Variants in PIWIL4 observed in about 807,000 individuals in gnomAD.
The protein encoded by PIWIL4 is piwi-like protein 4.
A neutral mutation model predicts 100.9 loss-of-function variants in PIWIL4; 50 were observed. The observed-to-expected ratio is 0.50, with a 90% CI of 0.39 to 0.63. PIWIL4 has a LOEUF of 0.63. Ranked by LOEUF, PIWIL4 falls within the 20% of genes least tolerant of loss-of-function variation. The pLI is 0.00. For missense variants in PIWIL4, 887 were observed against 1,043.3 expected (o/e 0.85, Z 2.06); for synonymous variants, 342 against 367.5 (o/e 0.93, Z 0.79).
chr11:94,581,236 G>A (rs1948312713), intron 4 of PIWIL4, among the ~76,000 whole-genome samples: 1 of 152,082 alleles, frequency 6.6e-6, no homozygotes, highest in Non-Finnish European at 1.5e-5. Flanking sequence ...ATTTAATCCT[G>A]TCATCACCCT....
At position 94,619,845 on chromosome 11, in the gene PIWIL4, C is replaced by T. The variant is rs779970339; in HGVS notation, c.2254C>T (p.Leu752Phe). ...GAACCGCACTGTACAGAACCCCCCA[C>T]TTGGCACTGTTGTGGATTCAGAAGC... The part of the protein sequence containing the change: ...EMNRTVQNPP[L>F]GTVVDSEATR... The change falls in exon 18 of 20, where the codon CTT becomes TTT. Residue 752 changes from leucine to phenylalanine, a missense_variant. Leu to Phe is a conservative substitution (Grantham distance 22). Around this residue, in one of 2 missense-constraint regions of PIWIL4, gnomAD observed 741 missense variants for 930.0 expected, o/e 0.80. Coordinates refer to ENST00000299001, the MANE Select transcript of PIWIL4 (RefSeq NM_152431.3). 1.7e-5 allele frequency: 27 copies of T among 1,614,108 alleles called. No homozygotes were observed. Among genetic ancestry groups the T allele is most frequent in the Non-Finnish European group, 2.2e-5 (26 of 1,180,038 alleles).
At position 94,589,217 on chromosome 11, in the gene PIWIL4, G is replaced by A. The variant is rs1175532862; in HGVS notation, c.1011G>A (p.Val337=). 1 of 1,602,884 alleles carries A rather than the reference G, an allele frequency of 6.2e-7. No individual in the cohort carries two copies. The highest frequency in any genetic ancestry group is 1.1e-5 in the South Asian group (1 of 90,892). ...GGGATGGCACCGAGATCACCTATGT[G>A]GATTACTACAAGCAGGTAGGACTTT... ...QKRDGTEITY[V]DYYKQQYDIT... Residue 337 remains valine, a synonymous_variant, in exon 8 of 20, where the codon GTG becomes GTA. Transcript: ENST00000299001.
At chr11:94,620,227 C>G in intron 19 of PIWIL4, 83 bp downstream of exon 19, 3 of 1,378,780 alleles carry the variant, frequency 2.2e-6, no homozygotes. Flanking sequence ...TCTTTGTATC[C>G]CTAGATATAG....
intron 10 of PIWIL4, among the ~76,000 whole-genome samples, chr11:94,596,105 C>T (rs1948554886): frequency 2.0e-5 from 3 of 151,976 alleles, no homozygotes; most frequent in Admixed American, 6.6e-5. Context: ...GGTTAAATAA[C>T]ATATATTTAA....
rs1264101907 is a variant in PIWIL4 at position 94,618,100 on chromosome 11, A to G, written c.2161A>G (p.Asn721Asp). The change falls in exon 17 of 20, where the codon AAT becomes GAT. Residue 721 changes from asparagine to aspartate, a missense_variant. Transcript: ENST00000299001. ...LLSSVAESSS[N>D]TSSRLSVIVV... is the part of the protein sequence containing the mutation. Reference sequence around the variant, plus strand: ...GAGCAGTGTGGCAGAATCCAGCTCAAATACCAGGTATTCAATTATTGTTCT... The same window carrying G: ...GAGCAGTGTGGCAGAATCCAGCTCAGATACCAGGTATTCAATTATTGTTCT... 6.4e-7 allele frequency: 1 copy of G among 1,565,702 alleles called. No homozygotes were observed. The highest frequency in any genetic ancestry group is 8.7e-7 in the Non-Finnish European group (1 of 1,152,486).
chr11:94,616,747 A>G (rs1948851969), intron 16 of PIWIL4, among the ~76,000 whole-genome samples, 184 bp downstream of exon 16: 1 of 152,200 alleles, frequency 6.6e-6, no homozygotes, highest in African/African-American at 2.4e-5. Context: ...ACTATGTAGC[A>G]TTTACATTTA....
Position 94,586,939 on chromosome 11 carries a change from T to C in PIWIL4, c.717-111T>C, listed in dbSNP as rs928504996. 9 of 1,103,530 alleles carry C rather than the reference T, an allele frequency of 8.2e-6. No homozygotes were observed. In the African/African-American group the frequency reaches 1.4e-4, roughly 18 times the overall value. 68.4% of individuals were successfully genotyped at this position (1,103,530 alleles called of 1,614,324 possible). ...AAGAAATCAGACTAAAGAAAAAAATTATCTTGTTAAGATCTCGAGAATTAG... is the reference window on the plus strand; with the variant it reads ...AAGAAATCAGACTAAAGAAAAAAATCATCTTGTTAAGATCTCGAGAATTAG... On this transcript the variant is annotated intron_variant, in intron 6 of 19. Transcript: ENST00000299001.
chr11:94,598,145 T>A (rs1207312231), intron 11 of PIWIL4, among the ~76,000 whole-genome samples: 1 of 152,188 alleles, frequency 6.6e-6, no homozygotes, highest in Non-Finnish European at 1.5e-5. Context: ...AAGACAGTAT[T>A]TCAAATCATT....
chr11:94,583,474 A>G lies in PIWIL4; in HGVS notation c.540A>G (p.Gln180=), dbSNP rs752222331. 2 of 1,613,872 alleles carry G rather than the reference A, an allele frequency of 1.2e-6. No homozygotes were observed. Among genetic ancestry groups the G allele is most frequent in the Admixed American group, 1.7e-5 (1 of 60,018 alleles). The change falls in exon 5 of 20, where the codon CAA becomes CAG. Residue 180 remains glutamine (Q), a synonymous_variant. Coordinates refer to ENST00000299001, the MANE Select transcript of PIWIL4 (RefSeq NM_152431.3). ...EKVTELSSET[Q]RGETIKMTIT... is the part of the protein sequence containing the mutation. ...TCACAGAGTTGTCAAGTGAAACTCA[A>G]AGAGGTGAGACTATAAAGATGACTA...
chr11:94,598,781 C>T (rs1948595922), intron 11 of PIWIL4, among the ~76,000 whole-genome samples: 1 of 145,940 alleles, frequency 6.9e-6, no homozygotes, highest in African/African-American at 2.6e-5. Context: ...GATCACAGCT[C>T]ATTGCAGCCT....
In PIWIL4 at chr11:94,621,070, C is replaced by G. The variant is rs935437336; in HGVS notation, c.*78C>G. 9.9e-7 allele frequency: 1 copy of G among 1,014,918 alleles called. No homozygotes were observed. Among genetic ancestry groups the G allele is most frequent in the African/African-American group, 1.6e-5 (1 of 62,428 alleles). The allele number at this position is 1,014,918 out of a possible 1,614,324, so 62.9% of individuals were successfully genotyped here. On this transcript the variant is annotated 3_prime_UTR_variant, in exon 20 of 20. Coordinates refer to ENST00000299001, the MANE Select transcript of PIWIL4 (RefSeq NM_152431.3). ...ACTTTGTGCAAATCTGCCATAAGCT[C>G]AAGGCTGTGACTGGGGAAAAAGATT...
At chr11:94,588,058 T>C (rs976337767) in intron 7 of PIWIL4, among the ~76,000 whole-genome samples, 2 of 152,160 alleles carry the variant, frequency 1.3e-5, no homozygotes, top group African/African-American at 4.8e-5. Context: ...AACCATCACC[T>C]AGGTATTAAA....
intron 11 of PIWIL4, 81 bp from the exon 12 acceptor site, chr11:94,601,714 T>C: frequency 2.2e-6 from 3 of 1,342,006 alleles, no homozygotes; most frequent in Non-Finnish European, 2.1e-6. Context: ...ATAACAAAAG[T>C]TGGCCATCTT....
chr11:94,602,648 A>G (rs1038741368), intron 12 of PIWIL4, among the ~76,000 whole-genome samples: 6 of 152,250 alleles, frequency 3.9e-5, no homozygotes, highest in African/African-American at 1.2e-4. Context: ...GAAAAGCCAT[A>G]AAGTTGGTCA....
chr11:94,604,049 T>C lies in PIWIL4; in HGVS notation c.1631T>C (p.Val544Ala), dbSNP rs751925236. 16 of 1,601,694 alleles carry C rather than the reference T, an allele frequency of 1.0e-5. No homozygotes were observed. In the African/African-American group the frequency reaches 2.0e-4, roughly 20 times the overall value. Residue 544 changes from valine (V) to alanine (A), a missense_variant, in exon 13 of 20, where the codon GTT (valine) becomes GCT (alanine). This residue lies in a region of PIWIL4 where 741 missense variants were observed against 930.0 expected (regional missense o/e 0.80). Coordinates refer to ENST00000299001, the MANE Select transcript of PIWIL4 (RefSeq NM_152431.3). ...ATACAGCAATATGTTGATCCTGATG[T>C]TCAGCTGGTAAGTACAGGATACTTT... is the stretch of plus-strand genomic sequence containing the variant. ...RAIQQYVDPDVQLVMCILPSN... is the reference protein window; with the variant it reads ...RAIQQYVDPDAQLVMCILPSN...
At chr11:94,614,347 A>G (rs1429482218) in intron 15 of PIWIL4, among the ~76,000 whole-genome samples, 1 of 131,142 alleles carries the variant, frequency 7.6e-6, no homozygotes, top group Non-Finnish European at 1.6e-5. Flanking sequence ...CGCTCTTGTC[A>G]CGCAGGCTGG....
chr11:94,597,771 C>G, intron 10 of PIWIL4, 33 bp from the exon 11 acceptor site: 1 of 1,462,322 alleles, frequency 6.8e-7, no homozygotes, highest in Admixed American at 1.7e-5. Flanking sequence ...AATTATATCT[C>G]TCTTTAATGA....
Position 94,621,117 on chromosome 11 carries a change from G to GA in PIWIL4, c.*132dup, listed in dbSNP as rs34504891. ...GATTGAGCTTAGTTTTCATGTCTAGGAAAAAAAGCAAAACAACTTAATCTG... is the reference window on the plus strand; with the variant it reads ...GATTGAGCTTAGTTTTCATGTCTAGGAAAAAAAAGCAAAACAACTTAATCTG... On this transcript the variant is annotated 3_prime_UTR_variant, in exon 20 of 20. Transcript: ENST00000299001. The GA allele has an allele frequency of 1.6e-5, 10 of 624,818 alleles. No individual in the cohort carries two copies. The highest frequency in any genetic ancestry group is 6.1e-5 in the Admixed American group (2 of 32,596). 38.7% of individuals were successfully genotyped at this position (624,818 alleles called of 1,614,324 possible). A position where few individuals can be genotyped will look rare whatever the true frequency, so the allele number is the denominator to read the frequency against.
In PIWIL4 at chr11:94,593,509, A is replaced by G; in HGVS notation, c.1027-9A>G. 1 of 1,610,890 alleles carries G rather than the reference A, an allele frequency of 6.2e-7. No individual in the cohort carries two copies. Among genetic ancestry groups the G allele is most frequent in the East Asian group, 2.2e-5 (1 of 44,832 alleles). ...TTAACTTTTTACTTATTAATCTTGC[A>G]TTTTATAGCAGTATGATATTACTGT... On this transcript the variant is annotated splice_polypyrimidine_tract_variant and intron_variant, in intron 8 of 19. Transcript: ENST00000299001.
Sources: gnomAD v4.1 joint callset for allele counts (sites outside exome capture counted in the v4.1 genomes callset) on GRCh38, gnomAD v4.1.1 for gene constraint, gnomAD v4.1.1 regional missense constraint, MANE v1.5 for transcripts, NCBI Gene and HGNC (gene_info 2026-07-23, HGNC 2026-07-21) for gene names.